The following FGF13 variants were observed in gnomAD, a reference collection of about 807,000 sequenced individuals.
FGF13 encodes the protein fibroblast growth factor homologous factor 2.
A neutral mutation model predicts 19.5 loss-of-function variants in FGF13; 2 were observed. The ratio of observed to expected loss-of-function variants is 0.10; its 90% confidence interval spans 0.04 to 0.32. FGF13 has a LOEUF of 0.32. Ranked by LOEUF, FGF13 falls within the 10% of genes least tolerant of loss-of-function variation. The pLI, the probability that FGF13 is intolerant of heterozygous loss-of-function variation, is 1.00. For missense variants in FGF13, 113 were observed against 192.7 expected (o/e 0.59, Z 2.45); for synonymous variants, 72 against 76.9 (o/e 0.94, Z 0.33).
intron 1 of FGF13, among the ~76,000 whole-genome samples, chrX:138,928,547 CA>C (rs2091685270): frequency 1.8e-5 from 2 of 110,734 alleles, no homozygotes; most frequent in African/African-American, 6.6e-5. Context: ...AGACCCCACC[CA>C]GGGGTGCCCT....
At chrX:138,821,106 C>A (rs760166407) in intron 3 of FGF13, among the ~76,000 whole-genome samples, 3 of 111,211 alleles carry the variant, frequency 2.7e-5, no homozygotes, top group South Asian at 7.7e-4. Context: ...GGTAAGCTGG[C>A]AGAAAATGAA....
chrX:139,139,234 GTTA>G (rs1216175233), intron 1 of FGF13, among the ~76,000 whole-genome samples: 4 of 111,682 alleles, frequency 3.6e-5, no homozygotes, highest in African/African-American at 1.3e-4. Context: ...TGCCCGACCT[GTTA>G]TTAATTAATA....
At chrX:138,918,287 C>T (rs1254534939) in intron 1 of FGF13, among the ~76,000 whole-genome samples, 1 of 111,197 alleles carries the variant, frequency 9.0e-6, no homozygotes, top group Non-Finnish European at 1.9e-5. Context: ...GGTTTTCCTT[C>T]ACTCTGTCAT....
chrX:138,632,815 G>T lies in FGF13; in HGVS notation c.*35C>A. On this transcript the variant is annotated 3_prime_UTR_variant, in exon 5 of 5. Coordinates refer to ENST00000315930, the MANE Select transcript of FGF13 (RefSeq NM_004114.5). ...GAATTCAACAGCACCTGGAGGTAAG[G>T]TTCTGTTACAGAGCCCTTCTTTTGC... 1.7e-6 allele frequency: 2 copies of T among 1,191,144 alleles called. No individual in the cohort carries two copies. Among genetic ancestry groups the T allele is most frequent in the East Asian group, 6.0e-5 (2 of 33,442 alleles).
intron 1 of FGF13, among the ~76,000 whole-genome samples, chrX:138,880,765 A>C (rs1280496960): frequency 4.5e-5 from 5 of 112,096 alleles, no homozygotes; most frequent in African/African-American, 1.6e-4. Context: ...TTGAAACCTC[A>C]ATTCTACGCT....
intron 1 of FGF13, among the ~76,000 whole-genome samples, chrX:139,164,563 G>A (rs1167803204): frequency 9.1e-6 from 1 of 109,993 alleles, no homozygotes; most frequent in Non-Finnish European, 1.9e-5. Context: ...CATGAGATGT[G>A]CCTGTAGTCC....
intron 3 of FGF13, among the ~76,000 whole-genome samples, chrX:138,794,597 G>T (rs1018849856): frequency 2.7e-5 from 3 of 111,939 alleles, no homozygotes; most frequent in Non-Finnish European, 5.6e-5. Flanking sequence ...CCAACCTAAT[G>T]GGTGGTCTTT....
rs549603368 is a variant in FGF13 at position 139,069,858 on chromosome X, C to T, written c.-113+133558G>A. ...TACAACCATCTGATCTTTGACAAAC[C>T]TGACAACAACAAGAAATGGGGAAAG... On this transcript the variant is annotated intron_variant, in intron 1 of 2. Coordinates refer to the FGF13 transcript ENST00000421460. Among the ~76,000 whole-genome samples, 31 of 112,057 alleles carry T rather than the reference C, an allele frequency of 2.8e-4. 1 individual carries two copies. In the South Asian group the frequency reaches 0.012, roughly 42 times the overall value.
rs768005677 is a variant in FGF13, at chrX:138,915,871, G to T, written c.-112-51221C>A. ...GCTTATAGTATTTATTGAACAAATG[G>T]TAGGTAAATTTAAATGGTGAACTCT... On this transcript the variant is annotated intron_variant, in intron 1 of 2. Coordinates refer to the FGF13 transcript ENST00000421460. Among the ~76,000 whole-genome samples, 3 of 112,204 alleles carry T rather than the reference G, an allele frequency of 2.7e-5. No homozygotes were observed. In the East Asian group the frequency reaches 8.4e-4, roughly 31 times the overall value.
At chrX:138,949,625 G>A (rs1373478297) in intron 1 of FGF13, among the ~76,000 whole-genome samples, 1 of 111,815 alleles carries the variant, frequency 8.9e-6, no homozygotes, top group African/African-American at 3.3e-5. Flanking sequence ...TGAATTTAGG[G>A]GGAATCACTT....
At chrX:139,201,608 TAAA>T (rs983665488) in intron 1 of FGF13, among the ~76,000 whole-genome samples, 2 of 112,244 alleles carry the variant, frequency 1.8e-5, no homozygotes, top group Non-Finnish European at 3.8e-5. Context: ...TTTTTCAGCT[TAAA>T]AAAATTAAAG....
intron 3 of FGF13, among the ~76,000 whole-genome samples, chrX:138,681,526 T>C (rs764436051): frequency 1.2e-4 from 14 of 113,199 alleles, no homozygotes; most frequent in African/African-American, 4.2e-4. Flanking sequence ...TATTTCTTTC[T>C]TATCATTTAT....
intron 1 of FGF13, among the ~76,000 whole-genome samples, chrX:139,028,688 A>AGTGTGT (rs781223523): frequency 0.013 from 1,044 of 80,633 alleles, 20 homozygotes; most frequent in African/African-American, 0.037. Context: ...TGTGAAAGAC[A>AGTGTGT]GTGTGTGTGT....
rs2088998228 is a variant in FGF13 at position 138,619,589 on chromosome X, T to G, written c.*13261A>C. The G allele has an allele frequency of 9.1e-6, 1 of 109,842 alleles. No homozygotes were observed. Among genetic ancestry groups the G allele is most frequent in the African/African-American group, 3.3e-5 (1 of 30,060 alleles). The allele number at this position is 109,842 out of a possible 1,213,427, so 9.1% of individuals were successfully genotyped here. A position where few individuals can be genotyped will look rare whatever the true frequency, so the allele number is the denominator to read the frequency against. On this transcript the variant is annotated 3_prime_UTR_variant, in exon 5 of 5. Coordinates refer to ENST00000315930, the MANE Select transcript of FGF13 (RefSeq NM_004114.5). ...CTATCCATCTGACAACGGTCTAATA[T>G]CCAGAATCTACAAGGAATTTAAGCA...
intron 1 of FGF13, among the ~76,000 whole-genome samples, chrX:139,068,818 AT>A (rs2092366213): frequency 9.0e-6 from 1 of 111,484 alleles, no homozygotes; most frequent in Non-Finnish European, 1.9e-5. Flanking sequence ...AATGCTTGTG[AT>A]TTTTGTACAT....
chrX:138,892,082 G>T (rs2091481164), intron 1 of FGF13, among the ~76,000 whole-genome samples: 1 of 109,195 alleles, frequency 9.2e-6, no homozygotes, highest in South Asian at 4.0e-4. Flanking sequence ...GACTAATACA[G>T]TCTATAACAG....
At chrX:138,685,856 C>T (rs1458908481) in intron 3 of FGF13, among the ~76,000 whole-genome samples, 1 of 108,393 alleles carries the variant, frequency 9.2e-6, no homozygotes, top group Non-Finnish European at 1.9e-5. Context: ...ATCAAGGGTC[C>T]CTATAAACTT....
rs2084141288 is a variant in FGF13, at chrX:139,172,425, C to A, written c.-113+30991G>T. ...GCGTCCAAACTCCTACTCACATTGG[C>A]TTACACTTTCCATTTCTTCCTTCCT... On this transcript the variant is annotated intron_variant, in intron 1 of 2. Transcript: ENST00000421460. Among the ~76,000 whole-genome samples the A allele has an allele frequency of 3.6e-5, 4 of 111,384 alleles. No homozygotes were observed. The Admixed American group carries it at 3.8e-4, about 11-fold the overall frequency.
chrX:138,711,030 C>G lies in FGF13; in HGVS notation c.-27G>C. On this transcript the variant is annotated 5_prime_UTR_variant, in exon 1 of 5. Transcript: ENST00000315930. ...GCCACGACGCCCACCACCACCGCTTCTTTTGCTGCCCCTCTCTGGGTTCGC... is the reference window on the plus strand; with the variant it reads ...GCCACGACGCCCACCACCACCGCTTGTTTTGCTGCCCCTCTCTGGGTTCGC... 8.3e-7 allele frequency: 1 copy of G among 1,206,192 alleles called. No individual in the cohort carries two copies. The highest frequency in any genetic ancestry group is 1.1e-6 in the Non-Finnish European group (1 of 893,612).
Sources: allele counts gnomAD v4.1 joint callset (sites outside exome capture counted in the v4.1 genomes callset), GRCh38; gene constraint gnomAD v4.1.1; transcripts MANE v1.5; gene names NCBI Gene and HGNC (gene_info 2026-07-23, HGNC 2026-07-21).